Variants in PAX8 observed in about 807,000 individuals in gnomAD.
PAX8 encodes paired box 8.
A neutral mutation model predicts 52.4 loss-of-function variants in PAX8; 15 were observed. That is an observed-to-expected ratio of 0.29 (90% CI 0.19 to 0.44). The LOEUF is 0.44. PAX8 is among the 20% of genes least tolerant of loss of function. PAX8 has a pLI of 1.00. For synonymous variants in PAX8, 284 were observed against 249.7 expected (o/e 1.14, Z -1.29); for missense variants, 554 against 602.5 (o/e 0.92, Z 0.84).
chr2:113,231,214 A>G (rs571580714), intron 9 of PAX8, among the ~76,000 whole-genome samples: 49 of 152,360 alleles, frequency 3.2e-4, no homozygotes, highest in African/African-American at 1.2e-3. Context: ...AATTTTGTAC[A>G]AAAGGATGGA....
intron 7 of PAX8, chr2:113,237,046 A>G (rs188001793): frequency 2.8e-6 from 1 of 355,610 alleles, no homozygotes; most frequent in Non-Finnish European, 5.2e-6. Flanking sequence ...AGAATGCAGG[A>G]CGGTGCCAAG....
intron 5 of PAX8, 149 bp downstream of exon 5, chr2:113,242,541 C>T (rs1258687926): frequency 1.4e-6 from 1 of 735,480 alleles, no homozygotes; most frequent in Non-Finnish European, 2.5e-6. Flanking sequence ...CGCAGTGGCA[C>T]AACTCAGTCT....
In PAX8 at chr2:113,233,571, G is replaced by A. The variant is rs543699240; in HGVS notation, c.1087+1823C>T. Among the ~76,000 whole-genome samples the A allele has an allele frequency of 1.2e-3, 183 of 151,932 alleles. 2 individuals carry two copies. The highest frequency in any genetic ancestry group is 3.9e-3 in the African/African-American group (161 of 41,450). On this transcript the variant is annotated intron_variant, in intron 9 of 11. Coordinates refer to ENST00000429538, the MANE Select transcript of PAX8 (RefSeq NM_003466.4). ...CGCCCATTTGTAGTTCTAGCTACTC[G>A]GGAGGCTGAGGCAGGAGAATCACTT...
chr2:113,242,158 G>T, intron 5 of PAX8, 28 bp from the exon 6 acceptor site: 1 of 1,605,410 alleles, frequency 6.2e-7, no homozygotes, highest in Non-Finnish European at 8.5e-7. Context: ...GAGAGGGTCA[G>T]GGGTGGGAGT....
intron 9 of PAX8, among the ~76,000 whole-genome samples, chr2:113,232,508 G>A (rs796972581): frequency 1.3e-5 from 2 of 152,332 alleles, no homozygotes; most frequent in African/African-American, 4.8e-5. Flanking sequence ...TGCCGGTGCT[G>A]CATATTTGGC....
At chr2:113,232,502 G>A (rs567970750) in intron 9 of PAX8, among the ~76,000 whole-genome samples, 1 of 152,308 alleles carries the variant, frequency 6.6e-6, no homozygotes, top group African/African-American at 2.4e-5. Flanking sequence ...AAGATATGCC[G>A]GTGCTGCATA....
chr2:113,246,964 G>A lies in PAX8; in HGVS notation c.26-45C>T, dbSNP rs776281694. 3.6e-5 allele frequency: 57 copies of A among 1,566,738 alleles called. 1 individual carries two copies. In the Admixed American group the frequency reaches 9.4e-4, roughly 26 times the overall value. On this transcript the variant is annotated intron_variant, in intron 2 of 11. Coordinates refer to ENST00000429538, the MANE Select transcript of PAX8 (RefSeq NM_003466.4). ...AGGGACAGCTGTCAGGGTCAGGTAG[G>A]AGTTTGGGTGGGGATTAGCTATGAG...
chr2:113,246,721 G>A, intron 3 of PAX8, 33 bp downstream of exon 3: 9 of 1,606,458 alleles, frequency 5.6e-6, no homozygotes, highest in Non-Finnish European at 7.7e-6. Context: ...AAGCCCTGCG[G>A]GGAAGGCGGC....
chr2:113,252,906 T>C (rs1691894513), intron 2 of PAX8, among the ~76,000 whole-genome samples: 2 of 152,208 alleles, frequency 1.3e-5, no homozygotes, highest in Admixed American at 1.3e-4. Flanking sequence ...AAAAAATTCT[T>C]CCCTTGACCA....
chr2:113,275,877 C>T (rs573208256), intron 2 of PAX8: 1 of 152,246 alleles, frequency 6.6e-6, no homozygotes, highest in Admixed American at 6.5e-5. Context: ...GGAAAGACAA[C>T]GTTAAGACTC....
At chr2:113,220,463 A>C in intron 10 of PAX8, 1 of 312,366 alleles carries the variant, frequency 3.2e-6, no homozygotes, top group Non-Finnish European at 6.0e-6. Flanking sequence ...TGTTATAACT[A>C]CCCCCATTTT....
At chr2:113,234,677 C>T (rs939811896) in intron 9 of PAX8, among the ~76,000 whole-genome samples, 9 of 152,154 alleles carry the variant, frequency 5.9e-5, no homozygotes, top group African/African-American at 2.2e-4. Context: ...TCTGCCACCA[C>T]ACCCCCTAAT....
At chr2:113,226,693 A>G in intron 10 of PAX8, 1 of 1,123,922 alleles carries the variant, frequency 8.9e-7, no homozygotes, top group South Asian at 2.5e-5. Flanking sequence ...CATCATCATC[A>G]ATACCCTTCA....
intron 2 of PAX8, chr2:113,275,237 A>C (rs1693717978): frequency 6.6e-6 from 1 of 152,250 alleles, no homozygotes; most frequent in South Asian, 2.1e-4. Flanking sequence ...AAGCTTAAAA[A>C]GATACTTATC....
chr2:113,257,391 A>G (rs996477227), intron 2 of PAX8, among the ~76,000 whole-genome samples: 2 of 152,116 alleles, frequency 1.3e-5, no homozygotes, highest in African/African-American at 4.8e-5. Context: ...GGAGGATCCT[A>G]AGATGTGAGG....
chr2:113,245,329 A>G (rs1230454535), intron 3 of PAX8, among the ~76,000 whole-genome samples: 1 of 152,162 alleles, frequency 6.6e-6, no homozygotes, highest in African/African-American at 2.4e-5. Context: ...TACAGGCATC[A>G]GCCACCATGC....
At position 113,242,788 on chromosome 2, in the gene PAX8, A is replaced by G; in HGVS notation, c.390-10T>C. On this transcript the variant is annotated splice_polypyrimidine_tract_variant and intron_variant, in intron 4 of 11. Transcript: ENST00000429538. ...TTTGGTCCGGATGATTCTGTGATGA[A>G]GAGAAGAAAGGCCATGAGAGAGAAG... The G allele has an allele frequency of 6.2e-7, 1 of 1,607,598 alleles. No homozygotes were observed. The highest frequency in any genetic ancestry group is 8.5e-7 in the Non-Finnish European group (1 of 1,174,158).
intron 1 of PAX8, 105 bp from the exon 2 acceptor site, chr2:113,278,574 G>C (rs1410020896): frequency 9.5e-7 from 1 of 1,056,708 alleles, no homozygotes; most frequent in Admixed American, 2.2e-5. Context: ...CGTCTGCCAG[G>C]AGTAGGAGGA....
chr2:113,261,594 A>C (rs1176219955), intron 2 of PAX8, among the ~76,000 whole-genome samples: 1 of 152,146 alleles, frequency 6.6e-6, no homozygotes, highest in African/African-American at 2.4e-5. Context: ...TGCAAGGCAC[A>C]CTTCTGAGAG....
Sources: allele counts gnomAD v4.1 joint callset (sites outside exome capture counted in the v4.1 genomes callset), GRCh38; gene constraint gnomAD v4.1.1; transcripts MANE v1.5; gene names NCBI Gene and HGNC (gene_info 2026-07-23, HGNC 2026-07-21).